Variants in CIMAP3 observed in about 807,000 individuals in gnomAD.
CIMAP3 encodes the protein ciliary microtubule-associated protein 3.
chr1:111,326,158 A>T, the CIMAP3 span, among the ~76,000 whole-genome samples: 3 of 152,290 alleles, frequency 2.0e-5, no homozygotes, highest in African/African-American at 7.2e-5. Context: ...ATTAGGAACA[A>T]TTCAAGTCCT....
the CIMAP3 span, among the ~76,000 whole-genome samples, chr1:111,335,324 A>T: frequency 1.3e-5 from 2 of 152,110 alleles, no homozygotes; most frequent in Admixed American, 1.3e-4. Context: ...GGTTCATCTC[A>T]CTAGGGAGTG....
the CIMAP3 span, among the ~76,000 whole-genome samples, chr1:111,334,260 C>T: frequency 2.6e-4 from 40 of 152,178 alleles, no homozygotes; most frequent in African/African-American, 9.2e-4. Flanking sequence ...AAAGAAAGAA[C>T]ATGAAAAGCC....
At chr1:111,335,214 G>C in the CIMAP3 span, among the ~76,000 whole-genome samples, 2 of 150,736 alleles carry the variant, frequency 1.3e-5, no homozygotes, top group African/African-American at 4.9e-5. Flanking sequence ...TCCTACAAGA[G>C]AGGAGTCAAG....
the CIMAP3 span, among the ~76,000 whole-genome samples, chr1:111,328,105 A>G: frequency 1.2e-4 from 18 of 152,288 alleles, no homozygotes; most frequent in South Asian, 1.0e-3. Flanking sequence ...TTCATGATTT[A>G]CCCAAAAGTC....
At chr1:111,339,408 T>G in the CIMAP3 span, among the ~76,000 whole-genome samples, 4 of 149,756 alleles carry the variant, frequency 2.7e-5, no homozygotes, top group South Asian at 8.6e-4. Flanking sequence ...AAAGAGGAAG[T>G]CAAATTGTCC....
chr1:111,348,299 T>A, the CIMAP3 span: 8 of 364,704 alleles, frequency 2.2e-5, no homozygotes, highest in East Asian at 3.7e-4. Context: ...CTAGATTTAT[T>A]TCTACAACCT....
the CIMAP3 span, among the ~76,000 whole-genome samples, chr1:111,340,803 C>T: frequency 4.3e-3 from 655 of 151,162 alleles, 2 homozygotes; most frequent in African/African-American, 0.015. Flanking sequence ...GTGTGGCGAT[C>T]CCTCAGGGAT....
chr1:111,347,834 G>C, the CIMAP3 span: 315 of 1,201,200 alleles, frequency 2.6e-4, 1 homozygote, highest in African/African-American at 4.3e-3. Context: ...GGAGTGCAAA[G>C]GGCAGAGAGC....
the CIMAP3 span, among the ~76,000 whole-genome samples, chr1:111,328,008 G>A: frequency 2.0e-5 from 3 of 152,028 alleles, no homozygotes; most frequent in Non-Finnish European, 2.9e-5. Context: ...TCCTTTTAAC[G>A]CTACTTTAGC....
the CIMAP3 span, among the ~76,000 whole-genome samples, chr1:111,341,545 C>T: frequency 1.3e-5 from 2 of 152,158 alleles, no homozygotes; most frequent in Non-Finnish European, 2.9e-5. Flanking sequence ...AAGTCACCGT[C>T]TCCCTGAACC....
chr1:111,343,175 T>C, the CIMAP3 span, among the ~76,000 whole-genome samples: 3 of 152,232 alleles, frequency 2.0e-5, no homozygotes, highest in Non-Finnish European at 4.4e-5. Context: ...CATCTTGTCA[T>C]TTAATTTCTT....
the CIMAP3 span, chr1:111,347,618 C>CTTTTTT: frequency 2.3e-4 from 213 of 929,468 alleles, 4 homozygotes; most frequent in Middle Eastern, 1.3e-3. Context: ...GTTGTTTTTT[C>CTTTTTT]TTTCTTTTTT....
the CIMAP3 span, among the ~76,000 whole-genome samples, chr1:111,334,851 G>T: frequency 7.9e-3 from 1,202 of 152,200 alleles, 14 homozygotes; most frequent in African/African-American, 0.027. Context: ...CAGATGTCAC[G>T]CAAGGTGGCT....
chr1:111,335,226 T>C, the CIMAP3 span, among the ~76,000 whole-genome samples: 1 of 148,390 alleles, frequency 6.7e-6, no homozygotes, highest in East Asian at 2.0e-4. Flanking sequence ...GGAGTCAAGA[T>C]GGCCGAATAG....
At chr1:111,351,176 T>TGG in the CIMAP3 span, 5 of 939,980 alleles carry the variant, frequency 5.3e-6, no homozygotes, top group Middle Eastern at 2.3e-4. Flanking sequence ...GTTTTTTTTT[T>TGG]TTTTTTTTTT....
At chr1:111,328,550 T>A in the CIMAP3 span, among the ~76,000 whole-genome samples, 1 of 152,042 alleles carries the variant, frequency 6.6e-6, no homozygotes, top group Non-Finnish European at 1.5e-5. Flanking sequence ...GGTGCATATA[T>A]ATTTAGGAAA....
chr1:111,346,451 G>A, the CIMAP3 span: 1 of 644,462 alleles, frequency 1.6e-6, no homozygotes, highest in East Asian at 3.0e-5. Context: ...CCGCAGCCCA[G>A]CTACTGAGTT....
the CIMAP3 span, among the ~76,000 whole-genome samples, chr1:111,337,383 A>G: frequency 1.3e-5 from 2 of 152,208 alleles, no homozygotes; most frequent in Non-Finnish European, 1.5e-5. Flanking sequence ...AAATGCTCCA[A>G]TTAAAAGACA....
At chr1:111,348,367 C>G in the CIMAP3 span, 75 of 780,062 alleles carry the variant, frequency 9.6e-5, no homozygotes, top group South Asian at 1.5e-3. Context: ...TTCTACCTAC[C>G]GAAGACTTAT....
Sources: allele counts gnomAD v4.1 joint callset (sites outside exome capture counted in the v4.1 genomes callset), GRCh38; gene constraint gnomAD v4.1.1; transcripts MANE v1.5; gene names NCBI Gene and HGNC (gene_info 2026-07-23, HGNC 2026-07-21).